ITIH5: variants seen among roughly 807,000 people sequenced by gnomAD.
The protein encoded by ITIH5 is inter-alpha-trypsin inhibitor heavy chain 5.
In ITIH5, 65 loss-of-function variants were observed where a neutral mutation model predicts 77.5. That is an observed-to-expected ratio of 0.84 (90% CI 0.69 to 1.03). ITIH5 has a LOEUF of 1.03. ITIH5 is among the 50% of genes least tolerant of loss of function. The pLI, the probability that ITIH5 is intolerant of heterozygous loss-of-function variation, is 0.00. For missense variants in ITIH5, 1,208 were observed against 1,213.1 expected, an observed-to-expected ratio of 1.00 and a Z score of 0.06; for synonymous variants, 525 against 494.3, an observed-to-expected ratio of 1.06 and a Z score of -0.82.
chr10:7,598,810 T>C (rs1832959130), intron 7 of ITIH5, among the ~76,000 whole-genome samples: 1 of 152,214 alleles, frequency 6.6e-6, no homozygotes, highest in African/African-American at 2.4e-5. Context: ...TTGCTAAAGA[T>C]TAAATTCTGG....
intron 7 of ITIH5, among the ~76,000 whole-genome samples, chr10:7,602,563 G>A (rs1833036512): frequency 6.6e-6 from 1 of 152,172 alleles, no homozygotes; most frequent in Non-Finnish European, 1.5e-5. Flanking sequence ...GCTGCCCTGT[G>A]AAGAAGGTTC....
intron 5 of ITIH5, chr10:7,618,644 A>C (rs1833416528): frequency 2.0e-5 from 3 of 152,248 alleles, no homozygotes. Context: ...CCAGACTTAA[A>C]ACTGCTGCAA....
At chr10:7,613,863 G>A (rs377219208) in intron 7 of ITIH5, among the ~76,000 whole-genome samples, 1 of 152,118 alleles carries the variant, frequency 6.6e-6, no homozygotes, top group Non-Finnish European at 1.5e-5. Flanking sequence ...TAAGAGTTCT[G>A]CAGTCCAGCT....
rs904586174 is a variant in ITIH5 at position 7,649,366 on chromosome 10, T to C, written c.135+6265A>G. Among the ~76,000 whole-genome samples the C allele has an allele frequency of 3.9e-4, 59 of 152,240 alleles. 1 individual carries two copies. Among genetic ancestry groups the C allele is most frequent in the Middle Eastern group, 3.4e-3 (1 of 294 alleles). On this transcript the variant is annotated intron_variant, in intron 2 of 13. Coordinates refer to ENST00000397146, the MANE Select transcript of ITIH5 (RefSeq NM_030569.7). ...TTAGAAAGAGTTTCTATTTAGATCA[T>C]GAGACATAATAGTGCTTAACATGTT...
intron 7 of ITIH5, among the ~76,000 whole-genome samples, chr10:7,611,913 A>ATTT (rs55973419): frequency 0.049 from 6,891 of 141,486 alleles, 217 homozygotes; most frequent in East Asian, 0.082. Context: ...TCCACCTGCA[A>ATTT]TTTTTTTTTT....
At chr10:7,642,543 A>G (rs1412683300) in intron 2 of ITIH5, among the ~76,000 whole-genome samples, 1 of 152,224 alleles carries the variant, frequency 6.6e-6, no homozygotes, top group African/African-American at 2.4e-5. Flanking sequence ...ATTACTTTCA[A>G]TGTCCACTTA....
intron 7 of ITIH5, among the ~76,000 whole-genome samples, chr10:7,607,356 C>T (rs1833145583): frequency 6.6e-6 from 1 of 152,170 alleles, no homozygotes; most frequent in African/African-American, 2.4e-5. Flanking sequence ...ACAACAGAAA[C>T]CATCTGGGGG....
chr10:7,615,950 G>A, intron 7 of ITIH5, 32 bp downstream of exon 7: 1 of 1,298,890 alleles, frequency 7.7e-7, no homozygotes, highest in Non-Finnish European at 1.1e-6. Flanking sequence ...AAAAGCGAGA[G>A]AGGAATAAAT....
At position 7,566,315 on chromosome 10, in the gene ITIH5, T is replaced by A. The variant is rs1483149427; in HGVS notation, c.2242A>T (p.Ile748Phe). 1.9e-6 allele frequency: 3 copies of A among 1,613,776 alleles called. No homozygotes were observed. Among genetic ancestry groups the A allele is most frequent in the Middle Eastern group, 3.3e-4 (2 of 6,062 alleles). ...AGATAAGATCTCTCTGGCTTGTTGA[T>A]GAGGATGGTGATAGTGCGCAAGTAA... ...RTYLRTITIL[I>F]NKPERSYLEI... is the part of the protein sequence containing the mutation. Residue 748 changes from isoleucine (I) to phenylalanine (F), a missense_variant, in exon 13 of 14, where the codon ATC becomes TTC. Transcript: ENST00000397146.
At chr10:7,663,137 A>T (rs7070826) in intron 1 of ITIH5, among the ~76,000 whole-genome samples, 57,419 of 152,070 alleles carry the variant, frequency 0.38, 11,019 homozygotes, top group Middle Eastern at 0.46. Context: ...TGTTTGAAGG[A>T]TTTGCTGAGA....
At chr10:7,574,848 A>T (rs1832377239) in intron 10 of ITIH5, among the ~76,000 whole-genome samples, 1 of 145,130 alleles carries the variant, frequency 6.9e-6, no homozygotes, top group South Asian at 2.2e-4. Flanking sequence ...TCAGTTGGTT[A>T]TCTCCTCCTC....
chr10:7,560,689 A>T lies in ITIH5; in HGVS notation c.*2394T>A, dbSNP rs1227467730. On this transcript the variant is annotated 3_prime_UTR_variant, in exon 14 of 14. Transcript: ENST00000397146. ...TGATCATGACACATTAACTATTGTG[A>T]TAACAAGGAGATTTATCTCCTCTAA... The T allele has an allele frequency of 1.3e-5, 2 of 152,244 alleles. No individual in the cohort carries two copies. Among genetic ancestry groups the T allele is most frequent in the Middle Eastern group, 3.2e-3 (1 of 316 alleles). The allele number at this position is 152,244 out of a possible 1,614,324, so 9.4% of individuals were successfully genotyped here.
chr10:7,659,110 C>T (rs534569589), intron 1 of ITIH5, among the ~76,000 whole-genome samples: 54 of 152,280 alleles, frequency 3.5e-4, no homozygotes, highest in Admixed American at 1.3e-3. Context: ...GGCACGGTGG[C>T]TCATGCCTGT....
In ITIH5 at chr10:7,637,413, A is replaced by G. The variant is rs1457496756; in HGVS notation, c.467T>C (p.Phe156Ser). 1 of 1,613,866 alleles carries G rather than the reference A, an allele frequency of 6.2e-7. No individual in the cohort carries two copies. Among genetic ancestry groups the G allele is most frequent in the African/African-American group, 1.3e-5 (1 of 75,044 alleles). Residue 156 changes from phenylalanine to serine, a missense_variant, in exon 5 of 14, where the codon TTC (phenylalanine) becomes TCC (serine). Phe to Ser is a radical substitution (Grantham distance 155, BLOSUM62 -2). Coordinates refer to ENST00000397146, the MANE Select transcript of ITIH5 (RefSeq NM_030569.7). Reference sequence around the variant, plus strand: ...CTGCAGAAGCTCCTCATAACTCAGGAAAAAGGCGGCTTTGTCCTTGCTGGG... The same window carrying G: ...CTGCAGAAGCTCCTCATAACTCAGGGAAAAGGCGGCTTTGTCCTTGCTGGG... ...VIPSKDKAAF[F>S]LSYEELLQRR...
At chr10:7,583,398 T>C (rs932786205) in intron 8 of ITIH5, among the ~76,000 whole-genome samples, 16 of 152,318 alleles carry the variant, frequency 1.1e-4, no homozygotes, top group Middle Eastern at 3.4e-3. Flanking sequence ...AGTGGTGCGA[T>C]CTCGGCTCAC....
At chr10:7,641,700 G>GGGAGAGAGGGAGGGAA (rs1491163050) in intron 3 of ITIH5, among the ~76,000 whole-genome samples, 1 of 128,810 alleles carries the variant, frequency 7.8e-6, no homozygotes, top group South Asian at 3.4e-4. Flanking sequence ...GAGGGAGGGA[G>GGGAGAGAGGGAGGGAA]GGAGGGAGAG....
At chr10:7,660,712 G>A (rs528678020) in intron 1 of ITIH5, among the ~76,000 whole-genome samples, 2 of 152,274 alleles carry the variant, frequency 1.3e-5, no homozygotes, top group East Asian at 1.9e-4. Context: ...GAGTCATCTC[G>A]AGAGTCCATC....
intron 1 of ITIH5, among the ~76,000 whole-genome samples, chr10:7,665,160 T>A (rs1834341676): frequency 6.6e-6 from 1 of 152,160 alleles, no homozygotes. Flanking sequence ...CAGCATGAAA[T>A]CACTAAAAGA....
intron 11 of ITIH5, chr10:7,572,698 C>T: frequency 4.1e-6 from 1 of 244,276 alleles, no homozygotes; most frequent in South Asian, 5.1e-5. Flanking sequence ...GGCTCTGCCT[C>T]ACACTGTGGG....
Sources: allele counts gnomAD v4.1 joint callset (sites outside exome capture counted in the v4.1 genomes callset), GRCh38; gene constraint gnomAD v4.1.1; transcripts MANE v1.5; gene names NCBI Gene and HGNC (gene_info 2026-07-23, HGNC 2026-07-21).